Variants in TSPAN32 observed in about 807,000 individuals in gnomAD.
TSPAN32 encodes tetraspanin-32.
TSPAN32 carries 47 observed loss-of-function variants against 42.7 expected under a neutral mutation model. The ratio of observed to expected loss-of-function variants is 1.10; its 90% CI spans 0.87 to 1.40. The LOEUF is 1.40. Ranked by LOEUF, TSPAN32 falls within the 40% of genes most tolerant of loss-of-function variation. TSPAN32 has a pLI of 0.00. For synonymous variants in TSPAN32, 175 were observed against 175.9 expected, an observed-to-expected ratio of 0.99 and a Z score of 0.04; for missense variants, 469 against 424.1, an observed-to-expected ratio of 1.11 and a Z score of -0.93.
chr11:2,314,488 C>A lies in TSPAN32; in HGVS notation c.460C>A (p.Leu154Met), dbSNP rs771804666. 1 of 1,611,164 alleles carries A rather than the reference C, an allele frequency of 6.2e-7. No individual in the cohort carries two copies. The highest frequency in any genetic ancestry group is 2.2e-5 in the East Asian group (1 of 44,828). Reference protein sequence around the residue: ...QELAAIQDVFLCCGKKSPFSR... With the variant: ...QELAAIQDVFMCCGKKSPFSR... Reference sequence around the variant, plus strand: ...TCCCTCCCTTCTGTTCCTGTAGTTTCTGTGCTGTGGGAAGAAGTCTCCTTT... The same window carrying A: ...TCCCTCCCTTCTGTTCCTGTAGTTTATGTGCTGTGGGAAGAAGTCTCCTTT... Residue 154 changes from leucine to methionine, a missense_variant, in exon 6 of 10, where the codon CTG becomes ATG. By Grantham distance (15) the Leu-to-Met change is conservative. Transcript: ENST00000182290.
intron 2 of TSPAN32, 158 bp downstream of exon 2, chr11:2,303,116 C>A: frequency 3.1e-6 from 2 of 638,970 alleles, no homozygotes; most frequent in Non-Finnish European, 5.4e-6. Context: ...GGAGTCCTAG[C>A]TCCCCTGGGC....
At chr11:2,316,856 T>C (rs1339589293) in intron 8 of TSPAN32, among the ~76,000 whole-genome samples, 189 bp downstream of exon 8, 1 of 151,980 alleles carries the variant, frequency 6.6e-6, no homozygotes, top group Non-Finnish European at 1.5e-5. Context: ...CCAGACCCAA[T>C]GCACCGCACC....
chr11:2,310,978 G>T (rs560867873), intron 4 of TSPAN32, among the ~76,000 whole-genome samples: 1 of 152,306 alleles, frequency 6.6e-6, no homozygotes, highest in East Asian at 1.9e-4. Context: ...AAGTCCTGCT[G>T]GCAGCCTAGA....
intron 4 of TSPAN32, among the ~76,000 whole-genome samples, chr11:2,309,147 G>T (rs960129763): frequency 1.3e-5 from 2 of 152,176 alleles, no homozygotes; most frequent in Non-Finnish European, 2.9e-5. Flanking sequence ...GGAAGAAGAA[G>T]GAAAGCCACT....
intron 4 of TSPAN32, 127 bp downstream of exon 4, chr11:2,308,937 G>T (rs1252894093): frequency 7.4e-6 from 5 of 672,426 alleles, no homozygotes; most frequent in South Asian, 1.9e-5. Flanking sequence ...CGGGTGGGGT[G>T]GGGGAGACCG....
chr11:2,306,460 C>G (rs1447781886), intron 3 of TSPAN32, among the ~76,000 whole-genome samples: 1 of 152,010 alleles, frequency 6.6e-6, no homozygotes, highest in Non-Finnish European at 1.5e-5. Context: ...ACCCAGCAGC[C>G]TCTGATGGTG....
rs753386633 is a variant in TSPAN32 at position 2,317,961 on chromosome 11, C to T, written c.*37C>T. The T allele has an allele frequency of 6.1e-5, 50 of 823,046 alleles. 1 individual carries two copies. The South Asian group carries it at 6.3e-4, about 10-fold the overall frequency. The allele number at this position is 823,046 out of a possible 1,614,324, so 51.0% of individuals were successfully genotyped here. ...GGTGGGCTGCACTCTCACCTGGAGG[C>T]TCCGGGGAAGCATCTGCCTCCAGGA... On this transcript the variant is annotated 3_prime_UTR_variant, in exon 10 of 10. Transcript: ENST00000182290. This position sits in a 1 kb window ranked among gnomAD's most constrained non-coding sequence, Gnocchi z 6.2.
intron 5 of TSPAN32, 141 bp from the exon 6 acceptor site, chr11:2,314,344 A>C: frequency 1.4e-6 from 1 of 716,024 alleles, no homozygotes; most frequent in South Asian, 1.5e-5. Flanking sequence ...CAGCAGAAGC[A>C]GCTGCAATAC....
chr11:2,313,732 G>A lies in TSPAN32; in HGVS notation c.433G>A (p.Glu145Lys). 6.2e-7 allele frequency: 1 copy of A among 1,603,842 alleles called. No homozygotes were observed. Among genetic ancestry groups the A allele is most frequent in the Non-Finnish European group, 8.5e-7 (1 of 1,176,944 alleles). ...MKGTSHVRRQELAAIQDVFLC... is the reference protein window; with the variant it reads ...MKGTSHVRRQKLAAIQDVFLC... ...AGGTACGTCCCACGTCCGGCGGCAG[G>A]AGCTGGCGGCCATCCAGGACGTGGT... The change falls in exon 5 of 10, where the codon GAG becomes AAG. Residue 145 changes from glutamate to lysine, a missense_variant. Coordinates refer to ENST00000182290, the MANE Select transcript of TSPAN32 (RefSeq NM_139022.3). The surrounding 1 kb of genome is among the most constrained non-coding windows in gnomAD (Gnocchi z 9.1).
At chr11:2,312,652 G>A (rs1388542694) in intron 4 of TSPAN32, among the ~76,000 whole-genome samples, 5 of 152,342 alleles carry the variant, frequency 3.3e-5, no homozygotes, top group Admixed American at 6.5e-5. Flanking sequence ...TGCCACGGGG[G>A]CTGGGCCCCA....
chr11:2,308,125 C>G (rs528495151), intron 3 of TSPAN32, among the ~76,000 whole-genome samples: 1 of 152,244 alleles, frequency 6.6e-6, no homozygotes, highest in Admixed American at 6.5e-5. Context: ...GGCAGGGGTG[C>G]AGTGTTGCCA....
chr11:2,305,377 C>A (rs576711127), intron 3 of TSPAN32, among the ~76,000 whole-genome samples: 18 of 143,698 alleles, frequency 1.3e-4, no homozygotes, highest in African/African-American at 4.4e-4. Context: ...TCTGCCCCCC[C>A]CCCCAGAGGG....
chr11:2,311,515 C>T (rs1309227231), intron 4 of TSPAN32, among the ~76,000 whole-genome samples: 1 of 152,266 alleles, frequency 6.6e-6, no homozygotes, highest in South Asian at 2.1e-4. Flanking sequence ...GTCTGCCCCA[C>T]CCTGGAGCCA....
At position 2,302,928 on chromosome 11, in the gene TSPAN32, A is replaced by G; in HGVS notation, c.151A>G (p.Lys51Glu). Residue 51 changes from lysine (K) to glutamate (E), a missense_variant, in exon 2 of 10, where the codon AAG (lysine) becomes GAG (glutamate). By Grantham distance (56) the Lys-to-Glu change is moderately conservative. Transcript: ENST00000182290. ...FAVIRRASLE[K>E]NPYQAVHQWA... ...TGTCATCCGCCGAGCGTCCCTGGAG[A>G]AGAACCCGTACCAGGCTGTGCACCA... The G allele has an allele frequency of 6.2e-7, 1 of 1,613,630 alleles. No individual in the cohort carries two copies. Among genetic ancestry groups the G allele is most frequent in the South Asian group, 1.1e-5 (1 of 91,084 alleles).
chr11:2,312,340 C>G (rs927597326), intron 4 of TSPAN32, among the ~76,000 whole-genome samples: 1 of 152,248 alleles, frequency 6.6e-6, no homozygotes, highest in South Asian at 2.1e-4. Context: ...GACTCCACCC[C>G]CATTTCACAC....
chr11:2,311,344 T>G (rs1352809073), intron 4 of TSPAN32, among the ~76,000 whole-genome samples: 1 of 152,166 alleles, frequency 6.6e-6, no homozygotes, highest in East Asian at 1.9e-4. Context: ...GGACCGGGCT[T>G]CAGGGATGAA....
Position 2,318,062 on chromosome 11 carries a change from G to T in TSPAN32, c.*138G>T. 3.4e-6 allele frequency: 2 copies of T among 592,498 alleles called. No homozygotes were observed. The highest frequency in any genetic ancestry group is 6.0e-6 in the Non-Finnish European group (2 of 335,478). The allele number at this position is 592,498 out of a possible 1,614,324, so 36.7% of individuals were successfully genotyped here. A position where few individuals can be genotyped will look rare whatever the true frequency, so the allele number is the denominator to read the frequency against. The stretch of plus-strand genomic sequence containing the variant: ...CCCAAGTCCTTGTCCCTGGTCCTGT[G>T]GTCCCTCCACCTTCAAACCAGCAAT... On this transcript the variant is annotated 3_prime_UTR_variant, in exon 10 of 10. Coordinates refer to ENST00000182290, the MANE Select transcript of TSPAN32 (RefSeq NM_139022.3). The surrounding 1 kb of genome is among the most constrained non-coding windows in gnomAD (Gnocchi z 4.2).
intron 6 of TSPAN32, 35 bp downstream of exon 6, chr11:2,314,606 C>T: frequency 6.4e-7 from 1 of 1,551,272 alleles, no homozygotes; most frequent in Non-Finnish European, 8.8e-7. Flanking sequence ...CCAGGCAAGA[C>T]CCTCGGGGGC....
At chr11:2,303,200 G>A (rs1262162375) in intron 2 of TSPAN32, among the ~76,000 whole-genome samples, 1 of 152,158 alleles carries the variant, frequency 6.6e-6, no homozygotes, top group African/African-American at 2.4e-5. Flanking sequence ...GGCACAGTGT[G>A]GGTATATGTC....
Sources: gnomAD v4.1 joint callset for allele counts (sites outside exome capture counted in the v4.1 genomes callset) on GRCh38, gnomAD v4.1.1 for gene constraint, Gnocchi (gnomAD v3.1) non-coding constraint, MANE v1.5 for transcripts, NCBI Gene and HGNC (gene_info 2026-07-23, HGNC 2026-07-21) for gene names.